Variants in PSMG1 observed in about 807,000 individuals in gnomAD.
The protein encoded by PSMG1 is Down syndrome critical region gene 2.
In PSMG1, 23 loss-of-function variants were observed where a neutral mutation model predicts 37.2. The observed-to-expected ratio is 0.62, with a 90% CI of 0.44 to 0.88. PSMG1 has a LOEUF of 0.88. PSMG1 is among the 40% of genes least tolerant of loss of function. The pLI is 0.00. For synonymous variants in PSMG1, 127 were observed against 128.0 expected (o/e 0.99, Z 0.05); for missense variants, 340 against 344.2 (o/e 0.99, Z 0.10).
intron 1 of PSMG1, chr21:39,182,927 AG>A (rs980752936): frequency 1.1e-5 from 3 of 276,372 alleles, no homozygotes; most frequent in Non-Finnish European, 2.0e-5. Flanking sequence ...CGAGTCCGCA[AG>A]ACACCAAGCC....
At chr21:39,180,168 A>G (rs1000476375) in intron 3 of PSMG1, 117 bp downstream of exon 3, 7 of 1,335,138 alleles carry the variant, frequency 5.2e-6, no homozygotes, top group Non-Finnish European at 7.1e-6. Flanking sequence ...TTAGTATCAG[A>G]AAAAGTGCAC....
intron 5 of PSMG1, 112 bp from the exon 6 acceptor site, chr21:39,177,683 C>T (rs185050267): frequency 1.1e-5 from 9 of 812,796 alleles, no homozygotes; most frequent in Non-Finnish European, 1.5e-5. Context: ...TCAGCTGCCT[C>T]TTTCAATCAA....
rs1458338456 is a variant in PSMG1, at chr21:39,178,498, A to C, written c.606T>G (p.Cys202Trp). The change falls in exon 5 of 7, where the codon TGT (cysteine) becomes TGG (tryptophan). Residue 202 changes from cysteine (C) to tryptophan (W), a missense_variant. By Grantham distance (215) the Cys-to-Trp change is radical. Coordinates refer to ENST00000331573, the MANE Select transcript of PSMG1 (RefSeq NM_003720.4). ...LKTQNFKDSA[C>W]CPLLEQPNIV... ...TATTCGGTTGTTCTAGCAATGGACA[A>C]CACGCCGAGTCTTTGAAATTCTGTG... The C allele has an allele frequency of 6.2e-7, 1 of 1,614,130 alleles. No homozygotes were observed. The highest frequency in any genetic ancestry group is 8.5e-7 in the Non-Finnish European group (1 of 1,180,008).
Position 39,175,594 on chromosome 21 carries a change from G to A in PSMG1, c.863C>T (p.Thr288Ile), listed in dbSNP as rs2030598007. 6.3e-7 allele frequency: 1 copy of A among 1,588,806 alleles called. No homozygotes were observed. The highest frequency in any genetic ancestry group is 8.6e-7 in the Non-Finnish European group (1 of 1,157,334). The change falls in exon 7 of 7, where the codon ACA (threonine) becomes ATA (isoleucine). Residue 288 changes from threonine (T) to isoleucine (I), a missense_variant. Coordinates refer to ENST00000331573, the MANE Select transcript of PSMG1 (RefSeq NM_003720.4). ...TTNEIQSNIY[T>I] is the part of the protein sequence containing the mutation. ...ACTACAAAACAATGTTTAAGATCAT[G>A]TATAAATGTTACTCTGAATCTCATT...
At chr21:39,179,257 A>G (rs897272631) in intron 4 of PSMG1, among the ~76,000 whole-genome samples, 5 of 152,152 alleles carry the variant, frequency 3.3e-5, no homozygotes, top group African/African-American at 1.2e-4. Flanking sequence ...ACCCAGCCTC[A>G]GGTATTCTTT....
At chr21:39,178,773 C>T (rs1462775453) in intron 4 of PSMG1, 126 bp from the exon 5 acceptor site, 14 of 906,598 alleles carry the variant, frequency 1.5e-5, no homozygotes, top group Admixed American at 2.6e-5. Context: ...GGGAGTGTGC[C>T]TTGGAGAAAC....
At chr21:39,175,745 A>C in intron 6 of PSMG1, 81 bp from the exon 7 acceptor site, 1 of 886,556 alleles carries the variant, frequency 1.1e-6, no homozygotes, top group Non-Finnish European at 1.9e-6. Flanking sequence ...ACGACCAACA[A>C]TCTCCACACT....
intron 3 of PSMG1, 39 bp downstream of exon 3, chr21:39,180,246 C>T (rs1433881622): frequency 6.4e-7 from 1 of 1,553,220 alleles, no homozygotes; most frequent in African/African-American, 1.4e-5. Flanking sequence ...GTAAGTGATA[C>T]TTAAATAACT....
intron 2 of PSMG1, among the ~76,000 whole-genome samples, chr21:39,180,917 A>T (rs532519261): frequency 6.6e-6 from 1 of 152,222 alleles, no homozygotes; most frequent in South Asian, 2.1e-4. Context: ...TCCTAGCTGC[A>T]CTCTACACTG....
rs961367214 is a variant in PSMG1, at chr21:39,178,771, G to A, written c.457-124C>T. On this transcript the variant is annotated intron_variant, in intron 4 of 6. Coordinates refer to ENST00000331573, the MANE Select transcript of PSMG1 (RefSeq NM_003720.4). ...GCATGCCTAGCAGGGGTGGGAGTGT[G>A]CCTTGGAGAAACAGAACACACCTGC... 3.2e-6 allele frequency: 3 copies of A among 930,968 alleles called. No individual in the cohort carries two copies. In the African/African-American group the frequency reaches 5.0e-5, roughly 15 times the overall value. The allele number at this position is 930,968 out of a possible 1,614,324, so 57.7% of individuals were successfully genotyped here. A position where few individuals can be genotyped will look rare whatever the true frequency, so the allele number is the denominator to read the frequency against.
chr21:39,178,794 T>A (rs1360522439), intron 4 of PSMG1, 147 bp from the exon 5 acceptor site: 43 of 749,858 alleles, frequency 5.7e-5, no homozygotes, highest in Non-Finnish European at 1.3e-5. Flanking sequence ...AGAACACACC[T>A]GCTGTCACAA....
chr21:39,182,304 C>A (rs1017367862), intron 1 of PSMG1, among the ~76,000 whole-genome samples: 1 of 152,186 alleles, frequency 6.6e-6, no homozygotes, highest in African/African-American at 2.4e-5. Flanking sequence ...ACGAAGCTAT[C>A]AGACAAATTC....
chr21:39,183,284 G>A lies in PSMG1; in HGVS notation c.102C>T (p.Asp34=). The A allele has an allele frequency of 1.3e-6, 2 of 1,588,486 alleles. No homozygotes were observed. Among genetic ancestry groups the A allele is most frequent in the South Asian group, 1.1e-5 (1 of 87,540 alleles). The change falls in exon 1 of 7, where the codon GAC becomes GAT. Residue 34 remains aspartate, a synonymous_variant. Coordinates refer to ENST00000331573, the MANE Select transcript of PSMG1 (RefSeq NM_003720.4). ...GCGCCAGCTGCAGACGCACCTCCCTGTCCTCGGGCGTCTCCCTCCGCCCCT... is the reference window on the plus strand; with the variant it reads ...GCGCCAGCTGCAGACGCACCTCCCTATCCTCGGGCGTCTCCCTCCGCCCCT... ...EEEGRRETPE[D]REVRLQLARK...
intron 1 of PSMG1, among the ~76,000 whole-genome samples, chr21:39,182,771 T>C (rs1464053426): frequency 1.3e-5 from 2 of 152,194 alleles, no homozygotes; most frequent in Non-Finnish European, 2.9e-5. Flanking sequence ...GTTCATCGGC[T>C]ACTGACACAT....
rs2030581566 is a variant in PSMG1, at chr21:39,175,075, T to C, written c.*515A>G. The C allele has an allele frequency of 6.6e-6, 1 of 152,206 alleles. No homozygotes were observed. Among genetic ancestry groups the C allele is most frequent in the African/African-American group, 2.4e-5 (1 of 41,442 alleles). The allele number at this position is 152,206 out of a possible 1,614,324, so 9.4% of individuals were successfully genotyped here. ...ATATTAAGAATCACCAACAGGTCAA[T>C]GAATAGTTACACCTAATTAACTACA... is the stretch of plus-strand genomic sequence containing the variant. On this transcript the variant is annotated 3_prime_UTR_variant, in exon 7 of 7. Coordinates refer to ENST00000331573, the MANE Select transcript of PSMG1 (RefSeq NM_003720.4).
chr21:39,178,792 C>T (rs145238032), intron 4 of PSMG1, 145 bp from the exon 5 acceptor site: 15,232 of 755,850 alleles, frequency 0.02, 216 homozygotes, highest in Non-Finnish European at 0.024. Context: ...ACAGAACACA[C>T]CTGCTGTCAC....
intron 5 of PSMG1, 117 bp downstream of exon 5, chr21:39,178,332 G>A: frequency 3.4e-6 from 3 of 890,706 alleles, no homozygotes; most frequent in Non-Finnish European, 5.1e-6. Context: ...AGGACTAACA[G>A]CAATATATTG....
At position 39,179,889 on chromosome 21, in the gene PSMG1, G is replaced by A. The variant is rs551241082; in HGVS notation, c.456+35C>T. The A allele has an allele frequency of 2.8e-5, 44 of 1,593,070 alleles. No homozygotes were observed. The South Asian group carries it at 4.9e-4, about 18-fold the overall frequency. On this transcript the variant is annotated intron_variant, in intron 4 of 6. Transcript: ENST00000331573. ...CCCTTAAAAAATGAAAACTCCTGTAGACTAACCATTCACAGGTTTTCATTT... is the reference window on the plus strand; with the variant it reads ...CCCTTAAAAAATGAAAACTCCTGTAAACTAACCATTCACAGGTTTTCATTT...
chr21:39,180,684 A>G (rs1362049951), intron 2 of PSMG1, among the ~76,000 whole-genome samples: 1 of 152,214 alleles, frequency 6.6e-6, no homozygotes, highest in Non-Finnish European at 1.5e-5. Flanking sequence ...ACTTTCTACC[A>G]CATGCTCACG....
Sources: allele counts gnomAD v4.1 joint callset (sites outside exome capture counted in the v4.1 genomes callset), GRCh38; gene constraint gnomAD v4.1.1; transcripts MANE v1.5; gene names NCBI Gene and HGNC (gene_info 2026-07-23, HGNC 2026-07-21).